Variants in INSR observed in about 807,000 individuals in gnomAD.
INSR encodes insulin receptor.
Under a neutral mutation model 142.6 loss-of-function variants are expected in INSR, and 67 were observed. The observed-to-expected ratio is 0.47, with a 90% confidence interval of 0.39 to 0.58. INSR has a LOEUF of 0.58. INSR is among the 20% of genes least tolerant of loss of function. The pLI is 0.00. For synonymous variants in INSR, 756 were observed against 743.1 expected (o/e 1.02, Z -0.28); for missense variants, 1,248 against 1,833.2 (o/e 0.68, Z 5.83).
At chr19:7,163,366 C>G (rs951949475) in intron 8 of INSR, among the ~76,000 whole-genome samples, 167 bp from the exon 9 acceptor site, 2 of 151,994 alleles carry the variant, frequency 1.3e-5, no homozygotes, top group Admixed American at 6.6e-5. Flanking sequence ...CGAGACCATC[C>G]TGGTTAACAC....
chr19:7,235,296 C>T (rs1292422320), intron 2 of INSR, among the ~76,000 whole-genome samples: 2 of 152,122 alleles, frequency 1.3e-5, no homozygotes, highest in Non-Finnish European at 2.9e-5. Flanking sequence ...CACTGCTATG[C>T]TCTCCCCTCT....
chr19:7,282,221 T>C (rs8106735), intron 1 of INSR, among the ~76,000 whole-genome samples: 136,432 of 151,706 alleles, frequency 0.9, 61,594 homozygotes, highest in Non-Finnish European at 0.94. Flanking sequence ...AAAAATTAGC[T>C]GGGCGTGGTG....
intron 1 of INSR, among the ~76,000 whole-genome samples, chr19:7,288,541 A>G (rs1295228750): frequency 6.6e-6 from 1 of 150,810 alleles, no homozygotes; most frequent in South Asian, 2.1e-4. Context: ...TGGGGAACCT[A>G]GGTGGGAGGA....
At chr19:7,142,004 G>A (rs77416154) in intron 12 of INSR, among the ~76,000 whole-genome samples, 188 bp from the exon 13 acceptor site, 2,983 of 151,732 alleles carry the variant, frequency 0.02, 57 homozygotes, top group African/African-American at 0.048. Flanking sequence ...TACTTTCTGC[G>A]TATAACTTTT....
chr19:7,269,205 T>C (rs1344042725), intron 1 of INSR, among the ~76,000 whole-genome samples: 1 of 119,464 alleles, frequency 8.4e-6, no homozygotes, highest in Non-Finnish European at 1.7e-5. Context: ...GAATAGTAAA[T>C]CCTCTAAAAA....
At chr19:7,223,797 G>A (rs1304119350) in intron 2 of INSR, among the ~76,000 whole-genome samples, 1 of 152,204 alleles carries the variant, frequency 6.6e-6, no homozygotes, top group East Asian at 1.9e-4. Context: ...GACAATACAT[G>A]CTCAATAACT....
chr19:7,220,084 A>C (rs896022675), intron 2 of INSR, among the ~76,000 whole-genome samples: 1 of 152,208 alleles, frequency 6.6e-6, no homozygotes, highest in Non-Finnish European at 1.5e-5. Context: ...AAGAGTCTGA[A>C]GGAATAAAGG....
At position 7,113,523 on chromosome 19, in the gene INSR, T is replaced by C. The variant is rs920603388; in HGVS notation, c.*3533A>G. 1 of 152,194 alleles carries C rather than the reference T, an allele frequency of 6.6e-6. No individual in the cohort carries two copies. 9.4% of individuals were successfully genotyped at this position (152,194 alleles called of 1,614,324 possible). A position where few individuals can be genotyped will look rare whatever the true frequency, so the allele number is the denominator to read the frequency against. On this transcript the variant is annotated 3_prime_UTR_variant, in exon 22 of 22. Coordinates refer to ENST00000302850, the MANE Select transcript of INSR (RefSeq NM_000208.4). ...TGCAGAGAGAAAGTGATGTGCTTGGTATTCTCCTCCTGGAAGAAGGAACTC... is the reference window on the plus strand; with the variant it reads ...TGCAGAGAGAAAGTGATGTGCTTGGCATTCTCCTCCTGGAAGAAGGAACTC...
intron 8 of INSR, among the ~76,000 whole-genome samples, chr19:7,164,337 C>T (rs933177326): frequency 2.6e-5 from 4 of 152,088 alleles, no homozygotes; most frequent in Admixed American, 2.0e-4. Flanking sequence ...CCTGGCAGAG[C>T]AGTTAACCTC....
chr19:7,208,704 G>A (rs1004730848), intron 2 of INSR, among the ~76,000 whole-genome samples: 3 of 151,800 alleles, frequency 2.0e-5, no homozygotes, highest in African/African-American at 4.8e-5. Flanking sequence ...ACCCTGTCTC[G>A]GCTAGGGGTA....
At chr19:7,242,906 CCT>C (rs1976403504) in intron 2 of INSR, among the ~76,000 whole-genome samples, 1 of 151,732 alleles carries the variant, frequency 6.6e-6, no homozygotes, top group Admixed American at 6.6e-5. Context: ...AAAGCAGTAC[CCT>C]GTTTTCAGTG....
rs1402010630 is a variant in INSR at position 7,150,647 on chromosome 19, C to G, written c.2232-115G>C. On this transcript the variant is annotated intron_variant, in intron 10 of 21. Coordinates refer to ENST00000302850, the MANE Select transcript of INSR (RefSeq NM_000208.4). This position sits in a 1 kb window ranked among gnomAD's most constrained non-coding sequence, Gnocchi z 4.2. The stretch of plus-strand genomic sequence containing the variant: ...GAGTAAGGGCACCCTGGCTTTGACC[C>G]TGGACCACTCGCTCCCATCACTTGC... The G allele has an allele frequency of 5.5e-6, 5 of 913,432 alleles. No individual in the cohort carries two copies. Among genetic ancestry groups the G allele is most frequent in the East Asian group, 2.4e-5 (1 of 41,106 alleles). 56.6% of individuals were successfully genotyped at this position (913,432 alleles called of 1,614,324 possible).
intron 1 of INSR, among the ~76,000 whole-genome samples, chr19:7,276,063 C>G (rs575866840): frequency 2.6e-5 from 4 of 152,084 alleles, no homozygotes; most frequent in Non-Finnish European, 4.4e-5. Context: ...AGAGAAAGAA[C>G]TTTCTAGAAG....
chr19:7,270,341 A>T (rs12971331), intron 1 of INSR, among the ~76,000 whole-genome samples: 6,783 of 66,810 alleles, frequency 0.1, 182 homozygotes, highest in East Asian at 0.28. Context: ...TCTCTCTCTC[A>T]CACACACACA....
intron 2 of INSR, among the ~76,000 whole-genome samples, chr19:7,263,312 C>T (rs560256414): frequency 1.9e-4 from 29 of 152,036 alleles, no homozygotes; most frequent in African/African-American, 7.0e-4. Flanking sequence ...AAAATTTATT[C>T]TATGTGTATT....
In INSR at chr19:7,267,735, A is replaced by C; in HGVS notation, c.262T>G (p.Leu88Val). ...FPKLIMITDYLLLFRVYGLES... is the reference protein window; with the variant it reads ...FPKLIMITDYVLLFRVYGLES... ...AGCCCATAGACCCGGAAGAGCAGCA[A>C]GTAATCAGTGATCATGATGAGTTTG... The change falls in exon 2 of 22, where the codon TTG (leucine) becomes GTG (valine). Residue 88 changes from leucine to valine, a missense_variant. Transcript: ENST00000302850. This position sits in a 1 kb window ranked among gnomAD's most constrained non-coding sequence, Gnocchi z 6.3. 6.2e-7 allele frequency: 1 copy of C among 1,614,162 alleles called. No homozygotes were observed. Among genetic ancestry groups the C allele is most frequent in the Non-Finnish European group, 8.5e-7 (1 of 1,180,028 alleles).
At position 7,269,764 on chromosome 19, in the gene INSR, A is replaced by ATCACT. The variant is rs1448583311; in HGVS notation, c.101-1873_101-1869dup. Among the ~76,000 whole-genome samples, 3 of 152,182 alleles carry ATCACT rather than the reference A, an allele frequency of 2.0e-5. No homozygotes were observed. In the East Asian group the frequency reaches 5.8e-4, roughly 29 times the overall value. On this transcript the variant is annotated intron_variant, in intron 1 of 21. Transcript: ENST00000302850. Reference sequence around the variant, plus strand: ...ACTGAAGCTCCAAGAGGCAAAGACCATCACTCAAGGACACACAACTCACCA... The same window carrying ATCACT: ...ACTGAAGCTCCAAGAGGCAAAGACCATCACTTCACTCAAGGACACACAACTCACCA...
chr19:7,284,928 G>A (rs550288297), intron 1 of INSR, among the ~76,000 whole-genome samples: 8 of 152,284 alleles, frequency 5.3e-5, no homozygotes, highest in East Asian at 1.9e-4. Context: ...TTTGAGACTC[G>A]TACTTATGAG....
At chr19:7,172,549 C>T in intron 4 of INSR, 115 bp from the exon 5 acceptor site, 1 of 1,081,896 alleles carries the variant, frequency 9.2e-7, no homozygotes, top group Non-Finnish European at 1.4e-6. Context: ...ATACCCAGCT[C>T]AAAACTCATC....
Sources: allele counts gnomAD v4.1 joint callset (sites outside exome capture counted in the v4.1 genomes callset), GRCh38; gene constraint gnomAD v4.1.1; non-coding constraint Gnocchi (gnomAD v3.1); transcripts MANE v1.5; gene names NCBI Gene and HGNC (gene_info 2026-07-23, HGNC 2026-07-21).